The following FNTB variants were observed in gnomAD, a reference collection of about 807,000 sequenced individuals.
The protein encoded by FNTB is farnesyltransferase, CAAX box, subunit beta.
A neutral mutation model predicts 59.4 loss-of-function variants in FNTB; 27 were observed. The ratio of observed to expected loss-of-function variants is 0.45; its 90% CI spans 0.34 to 0.63. The LOEUF is 0.63. FNTB is among the 20% of genes least tolerant of loss of function. The pLI, the probability that FNTB is intolerant of heterozygous loss-of-function variation, is 0.02. For synonymous variants in FNTB, 230 were observed against 220.7 expected (o/e 1.04, Z -0.37); for missense variants, 449 against 559.6 (o/e 0.80, Z 1.99).
At chr14:65,033,118 G>A (rs1410925712) in intron 7 of FNTB, among the ~76,000 whole-genome samples, 1 of 152,180 alleles carries the variant, frequency 6.6e-6, no homozygotes, top group African/African-American at 2.4e-5. Context: ...TCATAAGCAC[G>A]AGATGGGTAA....
intron 2 of FNTB, among the ~76,000 whole-genome samples, chr14:65,004,533 A>G (rs78424070): frequency 0.015 from 2,305 of 152,306 alleles, 48 homozygotes; most frequent in African/African-American, 0.049. Context: ...GCCAGGTGTT[A>G]CATGGGGATT....
At chr14:65,038,702 A>G (rs1245720979) in intron 7 of FNTB, among the ~76,000 whole-genome samples, 1 of 152,216 alleles carries the variant, frequency 6.6e-6, no homozygotes, top group Non-Finnish European at 1.5e-5. Context: ...TCGGCATCAG[A>G]GCGAGACTCT....
rs1346816623 is a variant in FNTB, at chr14:65,007,350, T to A, written c.209+3037T>A. Among the ~76,000 whole-genome samples, 1 of 152,224 alleles carries A rather than the reference T, an allele frequency of 6.6e-6. No homozygotes were observed. The highest frequency in any genetic ancestry group is 1.9e-4 in the East Asian group (1 of 5,202). On this transcript the variant is annotated intron_variant, in intron 2 of 11. Coordinates refer to ENST00000246166, the MANE Select transcript of FNTB (RefSeq NM_002028.4). The surrounding 1 kb of genome is among the most constrained non-coding windows in gnomAD (Gnocchi z 4.9). The stretch of plus-strand genomic sequence containing the variant: ...GTTAGCTGTTAGCAGTAAATCTAGA[T>A]GGCAGGGCTTGTTTGTGTGTCTGAG...
chr14:65,048,967 A>T (rs2062548191), intron 9 of FNTB, among the ~76,000 whole-genome samples: 1 of 152,078 alleles, frequency 6.6e-6, no homozygotes, highest in Admixed American at 6.6e-5. Flanking sequence ...TCTACTAAAG[A>T]TACAAAAAAT....
chr14:65,060,884 A>T (rs1477388281), intron 11 of FNTB, among the ~76,000 whole-genome samples: 1 of 151,466 alleles, frequency 6.6e-6, no homozygotes, highest in Admixed American at 6.6e-5. Context: ...AAAAAAAAAA[A>T]AAAAAAAAAA....
Position 64,991,526 on chromosome 14 carries a change from C to G in FNTB, c.144+4429C>G, listed in dbSNP as rs1888198356. On this transcript the variant is annotated intron_variant, in intron 1 of 11. Coordinates refer to ENST00000246166, the MANE Select transcript of FNTB (RefSeq NM_002028.4). This position sits in a 1 kb window ranked among gnomAD's most constrained non-coding sequence, Gnocchi z 4.4. Reference sequence around the variant, plus strand: ...CACTGAGGCAGGTGAATCTCTTTAACCTGGGAGGCGGAGGTTGCAGTGAGC... The same window carrying G: ...CACTGAGGCAGGTGAATCTCTTTAAGCTGGGAGGCGGAGGTTGCAGTGAGC... Among the ~76,000 whole-genome samples, 1 of 152,234 alleles carries G rather than the reference C, an allele frequency of 6.6e-6. No homozygotes were observed. Among genetic ancestry groups the G allele is most frequent in the Non-Finnish European group, 1.5e-5 (1 of 68,018 alleles).
rs764162335 is a variant in FNTB, at chr14:65,054,572, C to T, written c.1068-3C>T. On this transcript the variant is annotated splice_polypyrimidine_tract_variant and splice_region_variant and intron_variant, in intron 10 of 11. Transcript: ENST00000246166. The surrounding 1 kb of genome is among the most constrained non-coding windows in gnomAD (Gnocchi z 4.4). Reference sequence around the variant, plus strand: ...GCCTGCTCAGAGCTGCCTGTCCTTACAGGTCGCGTGATTTCTACCACACCT... The same window carrying T: ...GCCTGCTCAGAGCTGCCTGTCCTTATAGGTCGCGTGATTTCTACCACACCT... 24 of 1,611,986 alleles carry T rather than the reference C, an allele frequency of 1.5e-5. No individual in the cohort carries two copies. The highest frequency in any genetic ancestry group is 2.0e-5 in the Non-Finnish European group (23 of 1,179,196).
At chr14:65,057,586 TAAACA>T (rs755762379) in intron 11 of FNTB, among the ~76,000 whole-genome samples, 2 of 152,184 alleles carry the variant, frequency 1.3e-5, no homozygotes, top group Non-Finnish European at 2.9e-5. Context: ...AGGCACACAT[TAAACA>T]AATACATCAC....
chr14:65,049,121 C>T (rs1595090311), intron 9 of FNTB, among the ~76,000 whole-genome samples: 2 of 114,010 alleles, frequency 1.8e-5, no homozygotes, highest in Non-Finnish European at 3.6e-5. Context: ...GGCAGGACTC[C>T]GTCTAAAAAA....
chr14:65,056,297 G>A (rs8015921), intron 11 of FNTB, among the ~76,000 whole-genome samples: 74,825 of 151,986 alleles, frequency 0.49, 20,814 homozygotes, highest in African/African-American at 0.77. Flanking sequence ...ACCCCAGTGT[G>A]TTTCTCTGTT....
chr14:65,038,819 C>G (rs1156454655), intron 7 of FNTB, among the ~76,000 whole-genome samples: 2 of 152,148 alleles, frequency 1.3e-5, no homozygotes, highest in Non-Finnish European at 2.9e-5. Flanking sequence ...TATTTATCTT[C>G]TAATCCTCTT....
intron 2 of FNTB, among the ~76,000 whole-genome samples, chr14:65,005,676 G>C (rs1595000306): frequency 6.6e-6 from 1 of 151,932 alleles, no homozygotes; most frequent in African/African-American, 2.4e-5. Flanking sequence ...GTCTTGCTCT[G>C]TTGCCCAGGC....
rs1247511698 is a variant in FNTB at position 65,015,729 on chromosome 14, T to G, written c.374+13T>G. On this transcript the variant is annotated intron_variant, in intron 4 of 11. Transcript: ENST00000246166. Reference sequence around the variant, plus strand: ...TAGTGGCTACAGAGTGAGTCTGTCTTTGGGAAATCTGGGGTGTTCTCTGAA... The same window carrying G: ...TAGTGGCTACAGAGTGAGTCTGTCTGTGGGAAATCTGGGGTGTTCTCTGAA... 1 of 1,612,268 alleles carries G rather than the reference T, an allele frequency of 6.2e-7. No homozygotes were observed. Among genetic ancestry groups the G allele is most frequent in the Non-Finnish European group, 8.5e-7 (1 of 1,178,718 alleles).
intron 1 of FNTB, among the ~76,000 whole-genome samples, chr14:64,992,872 T>C (rs950958177): frequency 1.3e-5 from 2 of 152,338 alleles, no homozygotes; most frequent in South Asian, 2.1e-4. Flanking sequence ...AGGGTCTCAC[T>C]CTGTTTCCCA....
At chr14:65,002,375 G>A (rs1315140514) in intron 1 of FNTB, among the ~76,000 whole-genome samples, 5 of 152,186 alleles carry the variant, frequency 3.3e-5, no homozygotes, top group Non-Finnish European at 5.9e-5. Context: ...TTGGGAGGCC[G>A]AGGCAGGTAG....
At chr14:65,025,775 C>T (rs574727622) in intron 4 of FNTB, among the ~76,000 whole-genome samples, 15 of 152,294 alleles carry the variant, frequency 9.8e-5, no homozygotes, top group African/African-American at 1.4e-4. Flanking sequence ...GTGATTATGC[C>T]GCTGTCCTGC....
In FNTB at chr14:65,029,602, G is replaced by A. The variant is rs561563796; in HGVS notation, c.605+1821G>A. Among the ~76,000 whole-genome samples, 3 of 152,316 alleles carry A rather than the reference G, an allele frequency of 2.0e-5. No individual in the cohort carries two copies. In the South Asian group the frequency reaches 6.2e-4, roughly 32 times the overall value. ...CCTCCTTTCTAGGTTATATAATCTA[G>A]ATCATTCTGTGAGGATAAGGTGGAG... On this transcript the variant is annotated intron_variant, in intron 6 of 11. Coordinates refer to ENST00000246166, the MANE Select transcript of FNTB (RefSeq NM_002028.4). This position sits in a 1 kb window ranked among gnomAD's most constrained non-coding sequence, Gnocchi z 4.7.
rs560140617 is a variant in FNTB at position 64,988,136 on chromosome 14, T to C, written c.144+1039T>C. On this transcript the variant is annotated intron_variant, in intron 1 of 11. Coordinates refer to ENST00000246166, the MANE Select transcript of FNTB (RefSeq NM_002028.4). ...TTATGACTAAATAGAATTATAAATT[T>C]ATAACAGAAACAAGGGCTTGATACG... 3.3e-5 allele frequency among the ~76,000 whole-genome samples: 5 copies of C among 152,316 alleles called. No homozygotes were observed. In the East Asian group the frequency reaches 9.6e-4, roughly 29 times the overall value.
rs539509786 is a variant in FNTB at position 64,999,919 on chromosome 14, TC to T, written c.145-4328del. 3.3e-5 allele frequency among the ~76,000 whole-genome samples: 5 copies of T among 152,330 alleles called. No homozygotes were observed. The South Asian group carries it at 6.2e-4, about 19-fold the overall frequency. Reference sequence around the variant, plus strand: ...TATGTTGGGAAAATTTTAAGCATTTTCCACCTTGTGGTATGACATATTTCCA... The same window carrying T: ...TATGTTGGGAAAATTTTAAGCATTTTCACCTTGTGGTATGACATATTTCCA... On this transcript the variant is annotated intron_variant, in intron 1 of 11. Transcript: ENST00000246166.
Sources: allele counts gnomAD v4.1 joint callset (sites outside exome capture counted in the v4.1 genomes callset), GRCh38; gene constraint gnomAD v4.1.1; non-coding constraint Gnocchi (gnomAD v3.1); transcripts MANE v1.5; gene names NCBI Gene and HGNC (gene_info 2026-07-23, HGNC 2026-07-21).